Variants in SMYD3 observed in about 807,000 individuals in gnomAD.
SMYD3 encodes the protein histone-lysine N-methyltransferase SMYD3.
In SMYD3, 36 loss-of-function variants were observed where a neutral mutation model predicts 57.7. The ratio of observed to expected loss-of-function variants is 0.62; its 90% CI spans 0.48 to 0.82. The LOEUF (loss-of-function observed/expected upper bound fraction) is 0.82. Among genes scored for constraint, SMYD3 ranks in the 40% least tolerant of loss-of-function variants. The pLI, the probability that SMYD3 is intolerant of heterozygous loss-of-function variation, is 0.00. For synonymous variants in SMYD3, 211 were observed against 195.0 expected (o/e 1.08, Z -0.68); for missense variants, 515 against 538.8 (o/e 0.96, Z 0.44).
intron 5 of SMYD3, among the ~76,000 whole-genome samples, chr1:246,229,817 C>A (rs190916432): frequency 7.2e-5 from 11 of 152,338 alleles, no homozygotes; most frequent in Admixed American, 7.2e-4. Flanking sequence ...TAAATTTCAA[C>A]ACGCATTTTG....
intron 5 of SMYD3, among the ~76,000 whole-genome samples, chr1:246,000,306 G>A (rs1201183873): frequency 6.6e-6 from 1 of 151,902 alleles, no homozygotes; most frequent in Non-Finnish European, 1.5e-5. Flanking sequence ...GTTTTTTTCT[G>A]TTCTTCCCAG....
chr1:246,468,224 G>A (rs2067908508), intron 1 of SMYD3, among the ~76,000 whole-genome samples: 1 of 150,888 alleles, frequency 6.6e-6, no homozygotes, highest in African/African-American at 2.4e-5. Context: ...ACGCAAAGAT[G>A]GTTTAACATA....
chr1:245,777,330 A>G (rs2046645786), intron 10 of SMYD3, among the ~76,000 whole-genome samples: 1 of 152,226 alleles, frequency 6.6e-6, no homozygotes, highest in Non-Finnish European at 1.5e-5. Context: ...TGAGTACAAA[A>G]CTAGTCAAAA....
At chr1:246,454,206 T>C (rs1356914378) in intron 1 of SMYD3, among the ~76,000 whole-genome samples, 6 of 152,146 alleles carry the variant, frequency 3.9e-5, no homozygotes, top group African/African-American at 1.4e-4. Context: ...CTGCTATGCA[T>C]TGAGGTGGGG....
At chr1:246,488,895 C>G (rs2068227696) in intron 1 of SMYD3, among the ~76,000 whole-genome samples, 1 of 152,134 alleles carries the variant, frequency 6.6e-6, no homozygotes, top group South Asian at 2.1e-4. Flanking sequence ...ACCAGCGTCA[C>G]CCAGGGAGCT....
At chr1:245,971,731 T>C (rs1452288620) in intron 5 of SMYD3, among the ~76,000 whole-genome samples, 2 of 152,130 alleles carry the variant, frequency 1.3e-5, no homozygotes, top group Non-Finnish European at 1.5e-5. Context: ...GGTTGGTGGG[T>C]TTATTTTTTT....
chr1:245,964,693 T>C (rs1001722983), intron 5 of SMYD3, among the ~76,000 whole-genome samples: 5 of 152,140 alleles, frequency 3.3e-5, no homozygotes, highest in African/African-American at 1.2e-4. Flanking sequence ...ATAATCCTTT[T>C]GACCAACTTA....
intron 5 of SMYD3, among the ~76,000 whole-genome samples, chr1:245,936,025 T>A (rs2147872550): frequency 6.6e-6 from 1 of 152,152 alleles, no homozygotes; most frequent in South Asian, 2.1e-4. Flanking sequence ...CAAGAAAAAA[T>A]TTCAAATGCC....
chr1:246,072,740 C>G (rs575937151), intron 5 of SMYD3, among the ~76,000 whole-genome samples: 1 of 152,286 alleles, frequency 6.6e-6, no homozygotes, highest in Non-Finnish European at 1.5e-5. Context: ...ACCATCCAAT[C>G]AGCCTTGGGT....
intron 5 of SMYD3, among the ~76,000 whole-genome samples, chr1:246,270,358 C>A (rs1475710192): frequency 3.3e-5 from 5 of 152,130 alleles, no homozygotes; most frequent in Non-Finnish European, 7.4e-5. Flanking sequence ...GTTAAGTATA[C>A]ACTTTAGTGT....
At chr1:246,111,747 T>C (rs1178876903) in intron 5 of SMYD3, among the ~76,000 whole-genome samples, 5 of 152,200 alleles carry the variant, frequency 3.3e-5, no homozygotes, top group Non-Finnish European at 7.3e-5. Flanking sequence ...ATGACAGCTA[T>C]CTGGAGTGGA....
At chr1:246,368,177 G>A (rs1366460933) in intron 1 of SMYD3, among the ~76,000 whole-genome samples, 1 of 152,172 alleles carries the variant, frequency 6.6e-6, no homozygotes, top group African/African-American at 2.4e-5. Flanking sequence ...TTAGATATGG[G>A]TATAGCAGGA....
At chr1:245,779,374 G>A (rs2046743445) in intron 10 of SMYD3, among the ~76,000 whole-genome samples, 1 of 152,134 alleles carries the variant, frequency 6.6e-6, no homozygotes, top group Non-Finnish European at 1.5e-5. Context: ...TGCCAAATAT[G>A]TACAGGAAAA....
At position 246,006,215 on chromosome 1, in the gene SMYD3, T is replaced by C. The variant is rs143235375; in HGVS notation, c.532-76278A>G. ...GCCCCAAAGTGGATTTTAAAGTTGT[T>C]AAAGTAAAAATCTACTTTGTAGGAA... On this transcript the variant is annotated intron_variant, in intron 5 of 11. Coordinates refer to ENST00000490107, the MANE Select transcript of SMYD3 (RefSeq NM_001167740.2). Among the ~76,000 whole-genome samples, 1,392 of 150,864 alleles carry C rather than the reference T, an allele frequency of 9.2e-3. 9 individuals are homozygous for C. Among genetic ancestry groups the C allele is most frequent in the Non-Finnish European group, 0.014 (926 of 67,860 alleles).
At chr1:246,083,710 A>T (rs569283631) in intron 5 of SMYD3, among the ~76,000 whole-genome samples, 48 of 152,302 alleles carry the variant, frequency 3.2e-4, no homozygotes, top group African/African-American at 1.0e-3. Flanking sequence ...AAAAGTTCCT[A>T]AACAATAACA....
intron 10 of SMYD3, among the ~76,000 whole-genome samples, chr1:245,820,650 C>T (rs1295907217): frequency 2.1e-4 from 32 of 152,150 alleles, no homozygotes; most frequent in African/African-American, 5.8e-4. Context: ...AAAACCCCAT[C>T]GTCTGAGCCC....
intron 1 of SMYD3, among the ~76,000 whole-genome samples, chr1:246,413,349 C>T (rs1477134877): frequency 6.6e-6 from 1 of 152,126 alleles, no homozygotes; most frequent in African/African-American, 2.4e-5. Context: ...AGGCGGCACT[C>T]TCGGATAGAA....
At chr1:245,851,724 T>C (rs1188196282) in intron 10 of SMYD3, among the ~76,000 whole-genome samples, 1 of 152,192 alleles carries the variant, frequency 6.6e-6, no homozygotes, top group African/African-American at 2.4e-5. Context: ...CTGTGGACTA[T>C]ATCTAGCACT....
At chr1:246,064,367 T>C (rs1373447212) in intron 5 of SMYD3, among the ~76,000 whole-genome samples, 1 of 152,238 alleles carries the variant, frequency 6.6e-6, no homozygotes, top group Non-Finnish European at 1.5e-5. Context: ...AACTGAACTA[T>C]TAAATGCAGT....
Sources: gnomAD v4.1 joint callset for allele counts (sites outside exome capture counted in the v4.1 genomes callset) on GRCh38, gnomAD v4.1.1 for gene constraint, MANE v1.5 for transcripts, NCBI Gene and HGNC (gene_info 2026-07-23, HGNC 2026-07-21) for gene names.